The following NRCAM variants were observed in gnomAD, a reference collection of about 807,000 sequenced individuals.
NRCAM encodes the protein neuronal cell adhesion molecule, also known as NgCAM-related cell adhesion molecule.
In NRCAM, 83 loss-of-function variants were observed where a neutral mutation model predicts 156.5. That is an observed-to-expected ratio of 0.53 (90% CI 0.44 to 0.64). The LOEUF (loss-of-function observed/expected upper bound fraction) is 0.64. NRCAM is among the 30% of genes least tolerant of loss of function. The pLI is 0.00. For missense variants in NRCAM, 1,417 were observed against 1,597.3 expected, an observed-to-expected ratio of 0.89 and a Z score of 1.92; for synonymous variants, 538 against 563.9, an observed-to-expected ratio of 0.95 and a Z score of 0.65.
intron 1 of NRCAM, among the ~76,000 whole-genome samples, chr7:108,413,799 T>C (rs906877520): frequency 2.6e-5 from 4 of 152,208 alleles, no homozygotes; most frequent in African/African-American, 7.2e-5. Context: ...ATTTTTCTGC[T>C]TTCCCAGGTT....
chr7:108,168,487 A>G (rs890353676), intron 28 of NRCAM, 85 bp from the exon 29 acceptor site: 17 of 1,174,884 alleles, frequency 1.4e-5, no homozygotes, highest in Non-Finnish European at 1.9e-5. Context: ...ATACTCTGAA[A>G]TTGTGCAAAT....
chr7:108,226,156 C>A, intron 9 of NRCAM, 52 bp downstream of exon 9: 1 of 1,304,862 alleles, frequency 7.7e-7, no homozygotes. Flanking sequence ...CTATATTTTG[C>A]ACATATTTGT....
At chr7:108,341,422 C>T (rs957769385) in intron 2 of NRCAM, among the ~76,000 whole-genome samples, 3 of 152,348 alleles carry the variant, frequency 2.0e-5, no homozygotes, top group African/African-American at 7.2e-5. Context: ...CAGCCAGTCA[C>T]TTGATACTTC....
chr7:108,298,354 C>CA lies in NRCAM; in HGVS notation c.-107+14310dup, dbSNP rs202066428. On this transcript the variant is annotated intron_variant, in intron 3 of 32. Coordinates refer to ENST00000379028, the MANE Select transcript of NRCAM (RefSeq NM_001037132.4). ...CTATCCAAAACAACCCCCTCCCCGC[C>CA]AAAAAAACCCGCAGGGCACGGTGGC... 8.3e-3 allele frequency among the ~76,000 whole-genome samples: 1,266 copies of CA among 151,662 alleles called. 14 individuals are homozygous for CA. Among genetic ancestry groups the CA allele is most frequent in the African/African-American group, 0.029 (1,183 of 41,326 alleles).
chr7:108,397,556 C>T (rs2099780468), intron 2 of NRCAM, among the ~76,000 whole-genome samples: 1 of 152,056 alleles, frequency 6.6e-6, no homozygotes, highest in Non-Finnish European at 1.5e-5. Flanking sequence ...TGAGAAGACC[C>T]AAAGGGAGGG....
At chr7:108,359,892 C>G (rs534585946) in intron 2 of NRCAM, among the ~76,000 whole-genome samples, 2 of 152,126 alleles carry the variant, frequency 1.3e-5, no homozygotes, top group Non-Finnish European at 1.5e-5. Context: ...CAGTGGCAAC[C>G]GAGGTTCTGA....
At chr7:108,440,791 T>C (rs193264997) in intron 1 of NRCAM, among the ~76,000 whole-genome samples, 1 of 152,354 alleles carries the variant, frequency 6.6e-6, no homozygotes, top group East Asian at 1.9e-4. Context: ...TGGAGTTCTT[T>C]ATGGTGTCCT....
chr7:108,332,770 C>T (rs1044176627), intron 2 of NRCAM, among the ~76,000 whole-genome samples: 1 of 152,098 alleles, frequency 6.6e-6, no homozygotes, highest in African/African-American at 2.4e-5. Flanking sequence ...CAATACAACA[C>T]ACATCTTATT....
intron 1 of NRCAM, among the ~76,000 whole-genome samples, chr7:108,418,557 T>TTA (rs1418152249): frequency 9.4e-5 from 10 of 106,530 alleles, no homozygotes; most frequent in African/African-American, 3.4e-4. Flanking sequence ...GGTATACATA[T>TTA]TATACACACA....
At chr7:108,162,187 C>A (rs1388228744) in intron 30 of NRCAM, among the ~76,000 whole-genome samples, 1 of 152,208 alleles carries the variant, frequency 6.6e-6, no homozygotes, top group Admixed American at 6.5e-5. Flanking sequence ...AGAAAATATG[C>A]TACTAGCCAT....
chr7:108,416,313 T>C (rs535239500), intron 1 of NRCAM, among the ~76,000 whole-genome samples: 3 of 152,362 alleles, frequency 2.0e-5, no homozygotes, highest in Admixed American at 6.5e-5. Flanking sequence ...TTAATCAGCA[T>C]ATTACAGATG....
chr7:108,300,187 T>TC (rs2098566722), intron 3 of NRCAM, among the ~76,000 whole-genome samples: 2 of 139,946 alleles, frequency 1.4e-5, no homozygotes, highest in Admixed American at 7.3e-5. Context: ...TTTTTTTTTT[T>TC]TTACAAAAGA....
intron 2 of NRCAM, among the ~76,000 whole-genome samples, chr7:108,325,070 A>T (rs1482168038): frequency 6.6e-6 from 1 of 152,026 alleles, no homozygotes; most frequent in Non-Finnish European, 1.5e-5. Context: ...GGTAGCGGCA[A>T]GGGCTACTAC....
At chr7:108,452,018 G>T (rs1000555705) in intron 1 of NRCAM, among the ~76,000 whole-genome samples, 5 of 152,198 alleles carry the variant, frequency 3.3e-5, no homozygotes, top group Non-Finnish European at 2.9e-5. Flanking sequence ...TGCATTTGCT[G>T]CCCCATTTAA....
At chr7:108,448,591 C>A (rs13245242) in intron 1 of NRCAM, among the ~76,000 whole-genome samples, 37,470 of 152,100 alleles carry the variant, frequency 0.25, 4,934 homozygotes, top group Non-Finnish European at 0.29. Context: ...CTTTTTATTT[C>A]ACTTATTATA....
At chr7:108,201,631 A>G (rs2078184380) in intron 13 of NRCAM, among the ~76,000 whole-genome samples, 1 of 152,186 alleles carries the variant, frequency 6.6e-6, no homozygotes, top group Non-Finnish European at 1.5e-5. Context: ...GGCAAAGCTC[A>G]ACAATGTCAG....
At chr7:108,167,516 A>C (rs1441471304) in intron 29 of NRCAM, among the ~76,000 whole-genome samples, 4 of 152,240 alleles carry the variant, frequency 2.6e-5, no homozygotes, top group African/African-American at 9.6e-5. Context: ...CAACGTATCC[A>C]ATTAATCGAT....
chr7:108,202,074 AT>A (rs1486948800), intron 13 of NRCAM, among the ~76,000 whole-genome samples: 2 of 152,206 alleles, frequency 1.3e-5, no homozygotes, highest in African/African-American at 4.8e-5. Context: ...GCAAATCCAA[AT>A]TATCCAGAGG....
At chr7:108,188,633 T>A (rs1322492221) in intron 20 of NRCAM, among the ~76,000 whole-genome samples, 1 of 150,358 alleles carries the variant, frequency 6.7e-6, no homozygotes, top group South Asian at 2.1e-4. Context: ...GGTATTATTT[T>A]AATATAGGAA....
Sources: allele counts gnomAD v4.1 joint callset (sites outside exome capture counted in the v4.1 genomes callset), GRCh38; gene constraint gnomAD v4.1.1; transcripts MANE v1.5; gene names NCBI Gene and HGNC (gene_info 2026-07-23, HGNC 2026-07-21).